FAF1: variants seen among roughly 807,000 people sequenced by gnomAD.
FAF1 encodes the protein FAS-associated factor 1.
In FAF1, 25 loss-of-function variants were observed where a neutral mutation model predicts 92.5. The observed-to-expected ratio is 0.27, with a 90% CI of 0.20 to 0.38. The LOEUF is 0.38. FAF1 is among the 10% of genes least tolerant of loss of function. The probability of loss-of-function intolerance (pLI) is 1.00; values close to 1 mark genes in which losing one functional copy is unlikely to be tolerated. For synonymous variants in FAF1, 234 were observed against 273.2 expected, an observed-to-expected ratio of 0.86 and a Z score of 1.42; for missense variants, 636 against 793.3, an observed-to-expected ratio of 0.80 and a Z score of 2.38.
chr1:50,573,551 G>C (rs750221779), intron 12 of FAF1, among the ~76,000 whole-genome samples: 4 of 152,200 alleles, frequency 2.6e-5, no homozygotes, highest in Admixed American at 6.5e-5. Flanking sequence ...TAAAACACCA[G>C]AGTGCAGGTT....
At chr1:50,875,020 C>T (rs1644558985) in intron 1 of FAF1, among the ~76,000 whole-genome samples, 1 of 151,462 alleles carries the variant, frequency 6.6e-6, no homozygotes, top group Non-Finnish European at 1.5e-5. Flanking sequence ...TTCCTTCTTC[C>T]CTTCCCAGAA....
chr1:50,907,217 C>T (rs1644847259), intron 1 of FAF1, among the ~76,000 whole-genome samples: 1 of 152,194 alleles, frequency 6.6e-6, no homozygotes. Context: ...GCCTTGCATC[C>T]TACGGATGAA....
At chr1:50,843,845 G>C (rs922795381) in intron 2 of FAF1, among the ~76,000 whole-genome samples, 1 of 152,058 alleles carries the variant, frequency 6.6e-6, no homozygotes, top group Non-Finnish European at 1.5e-5. Context: ...AATAAGCATA[G>C]GGGTGCAGAT....
At chr1:50,509,905 T>C (rs971140391) in intron 15 of FAF1, among the ~76,000 whole-genome samples, 4 of 152,072 alleles carry the variant, frequency 2.6e-5, no homozygotes, top group African/African-American at 7.2e-5. Context: ...CAGTGGCTCA[T>C]GCCTGTAATC....
intron 4 of FAF1, among the ~76,000 whole-genome samples, chr1:50,758,454 T>A (rs1660173309): frequency 6.6e-6 from 1 of 152,274 alleles, no homozygotes; most frequent in Non-Finnish European, 1.5e-5. Context: ...TTCATGTTAT[T>A]GTTGTCATAC....
At chr1:50,654,754 T>A (rs957807181) in intron 8 of FAF1, among the ~76,000 whole-genome samples, 1 of 152,166 alleles carries the variant, frequency 6.6e-6, no homozygotes, top group Non-Finnish European at 1.5e-5. Flanking sequence ...AAGAAAATGT[T>A]TTTGCCTTGA....
At chr1:50,467,842 A>T (rs1042576324) in intron 18 of FAF1, among the ~76,000 whole-genome samples, 6 of 152,134 alleles carry the variant, frequency 3.9e-5, no homozygotes, top group Admixed American at 3.3e-4. Flanking sequence ...CTCACCTTTT[A>T]AAAAAAGCAG....
intron 4 of FAF1, among the ~76,000 whole-genome samples, chr1:50,754,691 A>T (rs1335301642): frequency 6.6e-6 from 1 of 152,236 alleles, no homozygotes; most frequent in East Asian, 1.9e-4. Flanking sequence ...CATGTGTATT[A>T]GTCCATTTTC....
intron 8 of FAF1, among the ~76,000 whole-genome samples, chr1:50,600,006 G>C (rs1469196484): frequency 6.6e-6 from 1 of 152,066 alleles, no homozygotes; most frequent in African/African-American, 2.4e-5. Context: ...TGCTTAAAAA[G>C]TTTCAGATTT....
At chr1:50,711,012 C>T (rs557324099) in intron 6 of FAF1, among the ~76,000 whole-genome samples, 4 of 151,598 alleles carry the variant, frequency 2.6e-5, no homozygotes, top group African/African-American at 4.8e-5. Flanking sequence ...CAGGTTCAAG[C>T]AGTTCTCCTG....
chr1:50,844,225 G>C (rs1240983448), intron 2 of FAF1, among the ~76,000 whole-genome samples: 1 of 152,072 alleles, frequency 6.6e-6, no homozygotes, highest in Non-Finnish European at 1.5e-5. Context: ...TTAAATCATA[G>C]TATTTGTTTT....
intron 3 of FAF1, among the ~76,000 whole-genome samples, chr1:50,800,142 T>C (rs1661931408): frequency 6.6e-6 from 1 of 152,200 alleles, no homozygotes; most frequent in Non-Finnish European, 1.5e-5. Context: ...TAATACTGAA[T>C]TTCTAGTCAT....
intron 1 of FAF1, among the ~76,000 whole-genome samples, chr1:50,864,625 C>G (rs1442589772): frequency 6.6e-6 from 1 of 151,254 alleles, no homozygotes; most frequent in Non-Finnish European, 1.5e-5. Context: ...GCTGGGAAAA[C>G]TGGCTAGCCA....
intron 18 of FAF1, among the ~76,000 whole-genome samples, chr1:50,473,733 T>A (rs193072153): frequency 3.3e-5 from 5 of 152,220 alleles, no homozygotes; most frequent in Non-Finnish European, 7.4e-5. Flanking sequence ...AAAGGAACAA[T>A]AGTCAGCACC....
chr1:50,819,306 C>A (rs916310299), intron 2 of FAF1, among the ~76,000 whole-genome samples: 1 of 151,914 alleles, frequency 6.6e-6, no homozygotes, highest in African/African-American at 2.4e-5. Flanking sequence ...GGGCTATCTA[C>A]ATTTAAAATC....
At chr1:50,958,842 A>G (rs1282671489) in intron 1 of FAF1, among the ~76,000 whole-genome samples, 1 of 152,238 alleles carries the variant, frequency 6.6e-6, no homozygotes, top group Non-Finnish European at 1.5e-5. Context: ...GTCTGCCTAT[A>G]CTTGACAGTA....
intron 1 of FAF1, among the ~76,000 whole-genome samples, chr1:50,929,572 A>G (rs1311428313): frequency 1.3e-5 from 2 of 152,226 alleles, no homozygotes; most frequent in Non-Finnish European, 2.9e-5. Context: ...TTTTCTATCC[A>G]CAAGAGGGAG....
At chr1:50,751,595 G>C (rs1659871232) in intron 4 of FAF1, among the ~76,000 whole-genome samples, 1 of 152,144 alleles carries the variant, frequency 6.6e-6, no homozygotes, top group African/African-American at 2.4e-5. Context: ...ACCCACCTCA[G>C]CCTCCCAAAG....
At chr1:50,483,761 T>A (rs1331299616) in intron 17 of FAF1, among the ~76,000 whole-genome samples, 2 of 152,134 alleles carry the variant, frequency 1.3e-5, no homozygotes, top group Non-Finnish European at 2.9e-5. Context: ...CTGCATATAT[T>A]TGCAGAGCCC....
Sources: allele counts gnomAD v4.1 joint callset (sites outside exome capture counted in the v4.1 genomes callset), GRCh38; gene constraint gnomAD v4.1.1; transcripts MANE v1.5; gene names NCBI Gene and HGNC (gene_info 2026-07-23, HGNC 2026-07-21).